Variants in PPFIBP2 observed in about 807,000 individuals in gnomAD.
The protein encoded by PPFIBP2 is PPFIB scaffold protein 2, also known as liprin-beta-2.
PPFIBP2 carries 118 observed loss-of-function variants against 118.3 expected under a neutral mutation model. That is an observed-to-expected ratio of 1.00 (90% CI 0.86 to 1.16). PPFIBP2 has a LOEUF of 1.16. Ranked by LOEUF, PPFIBP2 falls within the 50% of genes most tolerant of loss-of-function variation. PPFIBP2 has a pLI of 0.00. For missense variants in PPFIBP2, 1,195 were observed against 1,073.1 expected, an observed-to-expected ratio of 1.11 and a Z score of -1.59; for synonymous variants, 414 against 397.4, an observed-to-expected ratio of 1.04 and a Z score of -0.50.
At chr11:7,648,958 A>G (rs1329667185) in intron 19 of PPFIBP2, 47 bp downstream of exon 19, 1 of 1,530,450 alleles carries the variant, frequency 6.5e-7, no homozygotes, top group Admixed American at 1.7e-5. Context: ...GCAGCAACTA[A>G]GAGTAGAAAG....
intron 2 of PPFIBP2, among the ~76,000 whole-genome samples, chr11:7,564,196 A>G (rs1854678487): frequency 1.3e-5 from 2 of 152,038 alleles, no homozygotes; most frequent in African/African-American, 4.8e-5. Context: ...GGAACAGTTG[A>G]ATTTGGGGCA....
At chr11:7,652,100 G>T (rs1053053557) in intron 23 of PPFIBP2, among the ~76,000 whole-genome samples, 1 of 152,278 alleles carries the variant, frequency 6.6e-6, no homozygotes, top group Non-Finnish European at 1.5e-5. Context: ...TCCTCAGGTG[G>T]CTTAGAGCTC....
chr11:7,645,348 G>A (rs145441608), intron 17 of PPFIBP2, among the ~76,000 whole-genome samples: 3 of 152,244 alleles, frequency 2.0e-5, no homozygotes, highest in African/African-American at 4.8e-5. Flanking sequence ...GTGCCGATTC[G>A]CTCAGTGCTC....
chr11:7,654,814 G>A (rs1854534568), downstream of PPFIBP2, among the ~76,000 whole-genome samples: 1 of 152,236 alleles, frequency 6.6e-6, no homozygotes, highest in Admixed American at 6.5e-5. Flanking sequence ...GCACCCTCAA[G>A]TAAGTCCTGT....
chr11:7,573,773 T>G (rs953638603), intron 3 of PPFIBP2: 1 of 152,226 alleles, frequency 6.6e-6, no homozygotes, highest in African/African-American at 2.4e-5. Flanking sequence ...ATCTGACTTA[T>G]GAGGATTTAT....
intron 6 of PPFIBP2, among the ~76,000 whole-genome samples, chr11:7,611,820 G>C (rs1019436956): frequency 6.6e-6 from 1 of 152,204 alleles, no homozygotes; most frequent in Non-Finnish European, 1.5e-5. Flanking sequence ...TGAAAATGTA[G>C]ACATAGATAC....
At chr11:7,639,933 T>C (rs954312514) in intron 15 of PPFIBP2, 63 bp downstream of exon 15, 20 of 1,559,230 alleles carry the variant, frequency 1.3e-5, no homozygotes, top group Non-Finnish European at 1.5e-5. Flanking sequence ...TCAATGATTG[T>C]ATAAGATCCC....
At chr11:7,548,817 G>T (rs1167002835) in intron 1 of PPFIBP2, among the ~76,000 whole-genome samples, 2 of 152,120 alleles carry the variant, frequency 1.3e-5, no homozygotes, top group Admixed American at 1.3e-4. Context: ...GTGGATCTAA[G>T]ATGGTCAGTT....
chr11:7,556,447 C>T (rs930133651), intron 2 of PPFIBP2, among the ~76,000 whole-genome samples: 2 of 152,066 alleles, frequency 1.3e-5, no homozygotes, highest in African/African-American at 2.4e-5. Context: ...GACTCTGTCT[C>T]AAAAAATAAA....
intron 23 of PPFIBP2, among the ~76,000 whole-genome samples, chr11:7,652,110 C>T (rs959829724): frequency 4.6e-5 from 7 of 152,256 alleles, no homozygotes; most frequent in African/African-American, 7.2e-5. Context: ...GCTTAGAGCT[C>T]GTCCTCTACC....
intron 1 of PPFIBP2, among the ~76,000 whole-genome samples, chr11:7,519,040 G>A (rs76715433): frequency 0.06 from 9,090 of 152,216 alleles, 389 homozygotes; most frequent in Admixed American, 0.13. Flanking sequence ...AGTACAGGCA[G>A]TGCTAGAGTT....
intron 6 of PPFIBP2, among the ~76,000 whole-genome samples, chr11:7,618,231 C>G (rs1410229538): frequency 6.6e-6 from 1 of 152,116 alleles, no homozygotes; most frequent in African/African-American, 2.4e-5. Context: ...TAAATGTAGA[C>G]TTGGATAGAG....
chr11:7,528,244 A>G (rs1850391685), intron 1 of PPFIBP2, among the ~76,000 whole-genome samples: 1 of 152,230 alleles, frequency 6.6e-6, no homozygotes, highest in African/African-American at 2.4e-5. Flanking sequence ...GGACATGGCC[A>G]GATAGTCACA....
At chr11:7,604,812 G>A (rs1178635973) in intron 5 of PPFIBP2, among the ~76,000 whole-genome samples, 1 of 152,184 alleles carries the variant, frequency 6.6e-6, no homozygotes, top group Non-Finnish European at 1.5e-5. Flanking sequence ...GAGCTTGGTG[G>A]GAACTTACTC....
At chr11:7,536,591 G>GT (rs1321071510) in intron 1 of PPFIBP2, among the ~76,000 whole-genome samples, 7 of 152,102 alleles carry the variant, frequency 4.6e-5, no homozygotes, top group Admixed American at 4.6e-4. Flanking sequence ...GAATCAAGTG[G>GT]TTTTGTTTCT....
At chr11:7,549,045 C>G (rs1271839702) in intron 1 of PPFIBP2, among the ~76,000 whole-genome samples, 1 of 152,226 alleles carries the variant, frequency 6.6e-6, no homozygotes, top group East Asian at 1.9e-4. Flanking sequence ...GCTGCATTGC[C>G]TTGTACGCCC....
intron 7 of PPFIBP2, among the ~76,000 whole-genome samples, 190 bp downstream of exon 7, chr11:7,621,217 C>T (rs540180925): frequency 1.2e-4 from 18 of 152,214 alleles, no homozygotes; most frequent in Admixed American, 3.3e-4. Context: ...GGAGAATGCC[C>T]GTGAGATTAT....
intron 7 of PPFIBP2, among the ~76,000 whole-genome samples, chr11:7,621,696 TA>T (rs1849379881): frequency 6.6e-6 from 1 of 152,250 alleles, no homozygotes; most frequent in Non-Finnish European, 1.5e-5. Context: ...GTTAAATTGT[TA>T]TTTAAATTTC....
downstream of PPFIBP2, chr11:7,656,719 C>T: frequency 7.8e-7 from 1 of 1,289,826 alleles, no homozygotes; most frequent in South Asian, 1.2e-5. Context: ...CGGCTGTGTC[C>T]TTTTCAGACA....
Sources: gnomAD v4.1 joint callset for allele counts (sites outside exome capture counted in the v4.1 genomes callset) on GRCh38, gnomAD v4.1.1 for gene constraint, MANE v1.5 for transcripts, NCBI Gene and HGNC (gene_info 2026-07-23, HGNC 2026-07-21) for gene names.